Variants in SIL1 observed in about 807,000 individuals in gnomAD.
SIL1 encodes SIL1 nucleotide exchange factor, also known as nucleotide exchange factor SIL1.
Under a neutral mutation model 49.1 loss-of-function variants are expected in SIL1, and 40 were observed. The observed-to-expected ratio is 0.81, with a 90% confidence interval of 0.63 to 1.06. The LOEUF (loss-of-function observed/expected upper bound fraction) is 1.06. SIL1 is among the 50% of genes least tolerant of loss of function. The pLI is 0.00. For synonymous variants in SIL1, 253 were observed against 250.8 expected (o/e 1.01, Z -0.08); for missense variants, 500 against 572.6 (o/e 0.87, Z 1.29).
intron 5 of SIL1, among the ~76,000 whole-genome samples, chr5:139,027,568 T>C (rs1768687695): frequency 6.6e-6 from 1 of 152,244 alleles, no homozygotes; most frequent in South Asian, 2.1e-4. Flanking sequence ...CTGTTTGAAA[T>C]GGCTAAATTA....
intron 1 of SIL1, among the ~76,000 whole-genome samples, chr5:139,194,504 C>G (rs1752230041): frequency 6.6e-6 from 1 of 152,226 alleles, no homozygotes; most frequent in South Asian, 2.1e-4. Flanking sequence ...ACAAGACTCT[C>G]TGCTGTAGAA....
chr5:139,018,105 C>G (rs560910509), intron 7 of SIL1, among the ~76,000 whole-genome samples: 18 of 152,086 alleles, frequency 1.2e-4, no homozygotes, highest in Non-Finnish European at 2.2e-4. Context: ...TTTAAATAAA[C>G]TTTATTTCAG....
intron 5 of SIL1, among the ~76,000 whole-genome samples, chr5:139,031,855 T>C (rs1768799945): frequency 6.6e-6 from 1 of 152,228 alleles, no homozygotes; most frequent in Admixed American, 6.5e-5. Flanking sequence ...TATTCCTAAA[T>C]ATTTCATTTT....
At chr5:138,987,428 C>G (rs959331997) in intron 7 of SIL1, among the ~76,000 whole-genome samples, 1 of 152,040 alleles carries the variant, frequency 6.6e-6, no homozygotes, top group Non-Finnish European at 1.5e-5. Context: ...CATTCTGGGA[C>G]CAGAGGACTT....
At chr5:139,169,475 G>C (rs1187555343) in intron 1 of SIL1, among the ~76,000 whole-genome samples, 1 of 120,674 alleles carries the variant, frequency 8.3e-6, no homozygotes, top group Non-Finnish European at 1.7e-5. Context: ...TATATAGATA[G>C]ATTTTTTTTT....
chr5:138,980,838 G>C (rs1380993597), intron 7 of SIL1, among the ~76,000 whole-genome samples: 2 of 152,092 alleles, frequency 1.3e-5, no homozygotes, highest in African/African-American at 4.8e-5. Flanking sequence ...TCCTGTGCTT[G>C]GTAACAACAG....
chr5:139,083,953 CTTGT>C (rs1770151218), intron 3 of SIL1, among the ~76,000 whole-genome samples: 1 of 101,572 alleles, frequency 9.8e-6, no homozygotes, highest in Non-Finnish European at 2.0e-5. Flanking sequence ...TTCCCCATTG[CTTGT>C]TTTTCTCAGG....
At chr5:138,991,033 AAC>A (rs1307696461) in intron 7 of SIL1, among the ~76,000 whole-genome samples, 3 of 152,222 alleles carry the variant, frequency 2.0e-5, no homozygotes, top group African/African-American at 7.2e-5. Context: ...GGCTTTTTAA[AAC>A]AGTCTTTATC....
At chr5:139,085,202 CCAGGGCACAAT>C (rs1350785266) in intron 3 of SIL1, among the ~76,000 whole-genome samples, 1 of 151,966 alleles carries the variant, frequency 6.6e-6, no homozygotes, top group Non-Finnish European at 1.5e-5. Flanking sequence ...GAAGGAAAGT[CCAGGGCACAAT>C]CAGGGGAAAC....
intron 5 of SIL1, among the ~76,000 whole-genome samples, chr5:139,028,014 T>G (rs1345463801): frequency 6.6e-6 from 1 of 152,008 alleles, no homozygotes; most frequent in African/African-American, 2.4e-5. Context: ...TGGGCTAAAA[T>G]AATATGAGAT....
rs921661063 is a variant in SIL1, at chr5:139,090,771, A to AT, written c.244+30263dup. On this transcript the variant is annotated intron_variant, in intron 3 of 9. Coordinates refer to ENST00000394817, the MANE Select transcript of SIL1 (RefSeq NM_022464.5). ...AGGCACGCACCACTACACCTGGCTA[A>AT]TTTTTTTTCTTTTTTGTAGAGACAG... Among the ~76,000 whole-genome samples, 10 of 151,964 alleles carry AT rather than the reference A, an allele frequency of 6.6e-5. No individual in the cohort carries two copies. The South Asian group carries it at 1.9e-3, about 29-fold the overall frequency.
chr5:138,999,511 T>C (rs1255819340), intron 7 of SIL1, among the ~76,000 whole-genome samples: 2 of 151,982 alleles, frequency 1.3e-5, no homozygotes, highest in African/African-American at 4.8e-5. Flanking sequence ...AAAATGAAAA[T>C]ATTAGCCAGG....
chr5:139,114,876 C>T (rs1054676648), intron 3 of SIL1, among the ~76,000 whole-genome samples: 1 of 152,164 alleles, frequency 6.6e-6, no homozygotes, highest in African/African-American at 2.4e-5. Flanking sequence ...GGTGAAACAT[C>T]ATCCAACAAA....
chr5:139,126,451 C>T (rs1750755042), intron 2 of SIL1, among the ~76,000 whole-genome samples: 1 of 152,204 alleles, frequency 6.6e-6, no homozygotes, highest in Non-Finnish European at 1.5e-5. Flanking sequence ...GGGAGCATGG[C>T]ATCCTCATGA....
intron 1 of SIL1, among the ~76,000 whole-genome samples, chr5:139,133,840 G>A (rs1750918124): frequency 6.6e-6 from 1 of 152,164 alleles, no homozygotes; most frequent in Non-Finnish European, 1.5e-5. Context: ...ATTTTATAAG[G>A]AAGAAACTGA....
chr5:139,195,697 T>C (rs916840260), intron 1 of SIL1, among the ~76,000 whole-genome samples: 2 of 152,210 alleles, frequency 1.3e-5, no homozygotes, highest in Non-Finnish European at 1.5e-5. Flanking sequence ...CTATTCCCAC[T>C]GTTATGTAGT....
rs138614787 is a variant in SIL1 at position 139,051,294 on chromosome 5, A to G, written c.245-248T>C. 4.7e-3 allele frequency: 2,541 copies of G among 535,694 alleles called. 12 individuals are homozygous for G. Among genetic ancestry groups the G allele is most frequent in the Non-Finnish European group, 6.1e-3 (1,808 of 296,212 alleles). 33.2% of individuals were successfully genotyped at this position (535,694 alleles called of 1,614,324 possible). A position where few individuals can be genotyped will look rare whatever the true frequency, so the allele number is the denominator to read the frequency against. Reference sequence around the variant, plus strand: ...GGCAAGAGGATTCACACTTGAATCTAGAGACCAATGTCCCCCAGTTAGAAC... The same window carrying G: ...GGCAAGAGGATTCACACTTGAATCTGGAGACCAATGTCCCCCAGTTAGAAC... On this transcript the variant is annotated intron_variant, in intron 3 of 9. Coordinates refer to ENST00000394817, the MANE Select transcript of SIL1 (RefSeq NM_022464.5).
intron 7 of SIL1, among the ~76,000 whole-genome samples, chr5:138,992,930 T>G (rs1451214251): frequency 1.3e-5 from 2 of 152,054 alleles, no homozygotes; most frequent in African/African-American, 4.8e-5. Context: ...GCTAAACTAT[T>G]CCAGAGCCAA....
chr5:139,128,081 C>T (rs1233138618), intron 1 of SIL1: 1 of 554,074 alleles, frequency 1.8e-6, no homozygotes, highest in Non-Finnish European at 3.4e-6. Flanking sequence ...TCGATCAGGA[C>T]TCCTGCATAA....
Sources: allele counts gnomAD v4.1 joint callset (sites outside exome capture counted in the v4.1 genomes callset), GRCh38; gene constraint gnomAD v4.1.1; transcripts MANE v1.5; gene names NCBI Gene and HGNC (gene_info 2026-07-23, HGNC 2026-07-21).